The following ERI1 variants were observed in gnomAD, a reference collection of about 807,000 sequenced individuals.
ERI1 encodes the protein 3'-5' exoribonuclease 1.
ERI1 carries 39 observed loss-of-function variants against 39.7 expected under a neutral mutation model. The observed-to-expected ratio is 0.98, with a 90% CI of 0.76 to 1.28. The LOEUF is 1.28. Ranked by LOEUF, ERI1 falls within the 50% of genes most tolerant of loss-of-function variation. The pLI, the probability that ERI1 is intolerant of heterozygous loss-of-function variation, is 0.00. For missense variants in ERI1, 581 were observed against 416.9 expected, an observed-to-expected ratio of 1.39 and a Z score of -3.43; for synonymous variants, 204 against 149.6, an observed-to-expected ratio of 1.36 and a Z score of -2.65.
intron 3 of ERI1, 105 bp from the exon 4 acceptor site, chr8:9,016,217 G>C (rs1817266191): frequency 1.9e-6 from 1 of 534,390 alleles, no homozygotes; most frequent in Non-Finnish European, 3.3e-6. Flanking sequence ...TTTATGCCGT[G>C]AGATCCTATG....
downstream of ERI1, among the ~76,000 whole-genome samples, chr8:9,035,376 C>G (rs1027469365): frequency 2.0e-5 from 3 of 152,128 alleles, no homozygotes; most frequent in Non-Finnish European, 4.4e-5. Context: ...TTGTTAAGGG[C>G]TAATGTAGCT....
chr8:9,029,717 T>C, intron 6 of ERI1, 75 bp from the exon 7 acceptor site: 1 of 1,550,226 alleles, frequency 6.5e-7, no homozygotes, highest in South Asian at 1.1e-5. Context: ...CAGTTTCTTA[T>C]TTTTCATCTT....
chr8:9,090,973 C>T (rs925177473), intron 3 of ERI1, among the ~76,000 whole-genome samples: 1 of 152,056 alleles, frequency 6.6e-6, no homozygotes, highest in South Asian at 2.1e-4. Flanking sequence ...ATTTAAGGAG[C>T]TAGAAAATTG....
intron 3 of ERI1, among the ~76,000 whole-genome samples, chr8:9,039,357 A>G (rs889052494): frequency 6.6e-6 from 1 of 152,224 alleles, no homozygotes; most frequent in African/African-American, 2.4e-5. Flanking sequence ...ATATAATGAA[A>G]TCAAGCAAAA....
intron 3 of ERI1, among the ~76,000 whole-genome samples, chr8:9,015,252 ACTTTT>A (rs1432692089): frequency 6.6e-6 from 1 of 152,120 alleles, no homozygotes; most frequent in Non-Finnish European, 1.5e-5. Flanking sequence ...GGAAATACAA[ACTTTT>A]CTTAATTTTT....
rs149451635 is a variant in ERI1 at position 9,020,574 on chromosome 8, A to G, written c.807+110A>G. On this transcript the variant is annotated intron_variant, in intron 6 of 6. Coordinates refer to ENST00000250263, the MANE Select transcript of ERI1 (RefSeq NM_153332.4). Reference sequence around the variant, plus strand: ...GGTGTTTTTCATGGAAAAAAGCCATATAATTAGTTCTTACTCTTCAGATTC... The same window carrying G: ...GGTGTTTTTCATGGAAAAAAGCCATGTAATTAGTTCTTACTCTTCAGATTC... 3,060 of 668,350 alleles carry G rather than the reference A, an allele frequency of 4.6e-3. 69 individuals carry two copies. In the Admixed American group the frequency reaches 0.046, roughly 10 times the overall value. The allele number at this position is 668,350 out of a possible 1,614,324, so 41.4% of individuals were successfully genotyped here.
intron 3 of ERI1, among the ~76,000 whole-genome samples, chr8:9,079,676 C>T (rs1452211078): frequency 6.6e-6 from 1 of 152,058 alleles, no homozygotes; most frequent in Non-Finnish European, 1.5e-5. Flanking sequence ...TTGTTACGAG[C>T]AGGTTTGTTT....
rs960758111 is a variant in ERI1 at position 9,069,820 on chromosome 8, A to G, written n.300-46528A>G. Among the ~76,000 whole-genome samples the G allele has an allele frequency of 3.3e-5, 5 of 152,380 alleles. No homozygotes were observed. In the East Asian group the frequency reaches 7.7e-4, roughly 23 times the overall value. ...AGGAATTATAGAGAAGGAAATGATT[A>G]TACTATTGAACATATTATTTCCTCC... On this transcript the variant is annotated intron_variant and non_coding_transcript_variant, in intron 3 of 3. Transcript: ENST00000518663.
chr8:9,064,493 G>C (rs1248325746), intron 3 of ERI1, among the ~76,000 whole-genome samples: 6 of 111,940 alleles, frequency 5.4e-5, no homozygotes, highest in Non-Finnish European at 9.6e-5. Context: ...TGGGTCCACG[G>C]ATAAAACGTG....
At chr8:9,072,595 C>T (rs1300503084) in intron 3 of ERI1, 1 of 152,026 alleles carries the variant, frequency 6.6e-6, no homozygotes, top group Non-Finnish European at 1.5e-5. Context: ...TCCCCTCCAG[C>T]CCTCAGAAAC....
At chr8:9,050,276 G>A (rs192041663) in intron 3 of ERI1, among the ~76,000 whole-genome samples, 2 of 152,226 alleles carry the variant, frequency 1.3e-5, no homozygotes, top group African/African-American at 4.8e-5. Context: ...GGGAGGCAGG[G>A]GCTGGTGGAT....
intron 6 of ERI1, among the ~76,000 whole-genome samples, chr8:9,020,784 T>C (rs551702666): frequency 6.6e-6 from 1 of 152,342 alleles, no homozygotes; most frequent in African/African-American, 2.4e-5. Flanking sequence ...AAAGTTAATA[T>C]GCGTGTGCCG....
chr8:9,012,527 A>G (rs891256669), intron 3 of ERI1, among the ~76,000 whole-genome samples: 3 of 152,204 alleles, frequency 2.0e-5, no homozygotes, highest in African/African-American at 7.2e-5. Context: ...GCTATTCAAA[A>G]TCTCTTTTAG....
At chr8:9,037,679 T>C (rs900554747), downstream of ERI1, among the ~76,000 whole-genome samples, 2 of 152,178 alleles carry the variant, frequency 1.3e-5, no homozygotes, top group Non-Finnish European at 2.9e-5. Context: ...AAGTCCTGAC[T>C]GCCGTGATGA....
chr8:9,023,824 A>C (rs1585221249), intron 6 of ERI1, among the ~76,000 whole-genome samples: 1 of 74,572 alleles, frequency 1.3e-5, no homozygotes, highest in East Asian at 4.0e-4. Flanking sequence ...TTTGAGGCGG[A>C]GTCTCACTCT....
chr8:9,048,848 G>A (rs1247297584), intron 3 of ERI1, among the ~76,000 whole-genome samples: 1 of 151,948 alleles, frequency 6.6e-6, no homozygotes, highest in Non-Finnish European at 1.5e-5. Context: ...GTCTTGCTAT[G>A]TTGCCCAGGC....
intron 3 of ERI1, among the ~76,000 whole-genome samples, chr8:9,084,237 C>T (rs1799458286): frequency 6.6e-6 from 1 of 152,124 alleles, no homozygotes; most frequent in African/African-American, 2.4e-5. Context: ...TGCTTTCCAG[C>T]CTGGGAAACA....
intron 6 of ERI1, among the ~76,000 whole-genome samples, chr8:9,022,839 CAT>C (rs1324906106): frequency 6.6e-6 from 1 of 152,162 alleles, no homozygotes; most frequent in Non-Finnish European, 1.5e-5. Context: ...CATGGCCAGT[CAT>C]GTTTCATGTG....
intron 3 of ERI1, among the ~76,000 whole-genome samples, chr8:9,098,596 A>G (rs1310506170): frequency 6.6e-6 from 1 of 152,106 alleles, no homozygotes; most frequent in African/African-American, 2.4e-5. Context: ...GGTGAGGGAT[A>G]AAAAGACTAC....
Sources: gnomAD v4.1 joint callset for allele counts (sites outside exome capture counted in the v4.1 genomes callset) on GRCh38, gnomAD v4.1.1 for gene constraint, MANE v1.5 for transcripts, NCBI Gene and HGNC (gene_info 2026-07-23, HGNC 2026-07-21) for gene names.